Variants in COL24A1 observed in about 807,000 individuals in gnomAD.
The protein encoded by COL24A1 is collagen alpha-1(XXIV) chain.
In COL24A1, 224 loss-of-function variants were observed where a neutral mutation model predicts 253.9. The observed-to-expected ratio is 0.88, with a 90% confidence interval of 0.79 to 0.99. The LOEUF is 0.99. COL24A1 is among the 50% of genes least tolerant of loss of function. COL24A1 has a pLI of 0.00. For missense variants in COL24A1, 2,131 were observed against 2,068.5 expected (o/e 1.03, Z -0.59); for synonymous variants, 685 against 673.7 (o/e 1.02, Z -0.26).
chr1:86,056,391 T>C (rs866372514), intron 10 of COL24A1, among the ~76,000 whole-genome samples: 1 of 152,194 alleles, frequency 6.6e-6, no homozygotes, highest in African/African-American at 2.4e-5. Flanking sequence ...ACTATTTTTC[T>C]CATCAGTAAA....
intron 38 of COL24A1, among the ~76,000 whole-genome samples, chr1:85,848,906 A>G (rs1677442226): frequency 1.3e-5 from 2 of 152,226 alleles, no homozygotes; most frequent in African/African-American, 4.8e-5. Context: ...GCAAATAAAA[A>G]TATTCTTGAT....
At chr1:86,069,340 TG>T (rs1701703912) in intron 7 of COL24A1, among the ~76,000 whole-genome samples, 1 of 152,040 alleles carries the variant, frequency 6.6e-6, no homozygotes, top group Non-Finnish European at 1.5e-5. Context: ...CATGGACTAG[TG>T]GTGGTGGCCA....
intron 47 of COL24A1, among the ~76,000 whole-genome samples, chr1:85,797,403 G>A (rs1050225843): frequency 6.6e-6 from 1 of 152,124 alleles, no homozygotes; most frequent in African/African-American, 2.4e-5. Flanking sequence ...GACTAGAAAG[G>A]TGAGTGAAGG....
chr1:85,877,247 AT>A (rs1681283936), intron 32 of COL24A1, 72 bp from the exon 33 acceptor site: 1 of 1,065,390 alleles, frequency 9.4e-7, no homozygotes, highest in Admixed American at 2.5e-5. Context: ...TCATCTGGAT[AT>A]GGGTTTTATA....
intron 33 of COL24A1, among the ~76,000 whole-genome samples, chr1:85,876,657 A>G (rs1052053706): frequency 6.6e-6 from 1 of 152,226 alleles, no homozygotes; most frequent in Non-Finnish European, 1.5e-5. Flanking sequence ...TGAAGTGACA[A>G]CAGGAGAGAG....
chr1:86,066,534 G>A (rs865996367), intron 7 of COL24A1, among the ~76,000 whole-genome samples: 1 of 151,858 alleles, frequency 6.6e-6, no homozygotes, highest in Admixed American at 6.5e-5. Context: ...GTGAGCCACT[G>A]CGCCCTGCTA....
At chr1:86,029,818 CA>C (rs1282324429) in intron 14 of COL24A1, 1 of 151,528 alleles carries the variant, frequency 6.6e-6, no homozygotes, top group African/African-American at 2.4e-5. Flanking sequence ...TTATTTTTTT[CA>C]ACGTTTTTTA....
chr1:85,926,849 A>C (rs1409409986), intron 24 of COL24A1, among the ~76,000 whole-genome samples: 5 of 152,016 alleles, frequency 3.3e-5, no homozygotes, highest in African/African-American at 4.8e-5. Context: ...AAAAGAGTCA[A>C]AAAGGAGGAG....
In COL24A1 at chr1:85,863,340, C is replaced by T. The variant is rs528091962; in HGVS notation, c.3300+5179G>A. Among the ~76,000 whole-genome samples, 215 of 152,284 alleles carry T rather than the reference C, an allele frequency of 1.4e-3. 2 individuals carry two copies. Among genetic ancestry groups the T allele is most frequent in the Non-Finnish European group, 2.2e-3 (152 of 68,024 alleles). The stretch of plus-strand genomic sequence containing the variant: ...TCCTGCCTGATTGCCCTGGCCAGAA[C>T]TTCCAACACTATGTTGAGTAGGAGT... On this transcript the variant is annotated intron_variant, in intron 37 of 59. Transcript: ENST00000370571.
At chr1:85,770,349 C>A (rs572141188) in intron 53 of COL24A1, among the ~76,000 whole-genome samples, 71 of 151,912 alleles carry the variant, frequency 4.7e-4, no homozygotes, top group Non-Finnish European at 6.8e-4. Flanking sequence ...ATCTCATTAC[C>A]TTCTAATCAA....
intron 2 of COL24A1, 108 bp downstream of exon 2, chr1:86,146,011 T>C: frequency 1.1e-6 from 1 of 895,806 alleles, no homozygotes; most frequent in South Asian, 1.8e-5. Context: ...ATTTTTGTTA[T>C]TGTTTAATGT....
chr1:85,859,600 T>C (rs915536812), intron 37 of COL24A1, among the ~76,000 whole-genome samples: 3 of 152,340 alleles, frequency 2.0e-5, no homozygotes, highest in South Asian at 4.1e-4. Flanking sequence ...GTTGTTGTTA[T>C]ATTTTTTTTA....
intron 24 of COL24A1, among the ~76,000 whole-genome samples, chr1:85,924,481 T>G (rs950318002): frequency 6.6e-6 from 1 of 152,222 alleles, no homozygotes; most frequent in African/African-American, 2.4e-5. Flanking sequence ...CATTACCAAG[T>G]TGGCTTCATC....
chr1:85,870,858 T>G (rs1680383815), intron 35 of COL24A1, among the ~76,000 whole-genome samples: 1 of 152,020 alleles, frequency 6.6e-6, no homozygotes, highest in Non-Finnish European at 1.5e-5. Flanking sequence ...AGAGCAGAAC[T>G]GAAGGAGATA....
intron 37 of COL24A1, among the ~76,000 whole-genome samples, 188 bp downstream of exon 37, chr1:85,868,331 T>C (rs1380169602): frequency 6.6e-6 from 1 of 152,214 alleles, no homozygotes; most frequent in African/African-American, 2.4e-5. Flanking sequence ...AAAAAGTATC[T>C]TTCCTCTTTG....
chr1:86,125,853 CTCA>C lies in COL24A1; in HGVS notation c.480_482del (p.Asp160del), dbSNP rs773775967. ...TAGTAATGGCAAATGAGTGCCATTG[CTCA>C]TCATGAACACTGTAGTTGAAAACTG... On this transcript the variant is annotated inframe_deletion, in exon 3 of 60. Coordinates refer to ENST00000370571, the MANE Select transcript of COL24A1 (RefSeq NM_152890.7). 5 of 1,613,192 alleles carry C rather than the reference CTCA, an allele frequency of 3.1e-6. No homozygotes were observed. Among genetic ancestry groups the C allele is most frequent in the Non-Finnish European group, 4.2e-6 (5 of 1,179,720 alleles).
At chr1:85,801,863 C>T (rs1191870569) in intron 47 of COL24A1, among the ~76,000 whole-genome samples, 5 of 152,162 alleles carry the variant, frequency 3.3e-5, no homozygotes, top group African/African-American at 1.2e-4. Context: ...ATAATATTTG[C>T]TTTTTCAGTG....
intron 24 of COL24A1, among the ~76,000 whole-genome samples, chr1:85,946,421 C>T (rs550963745): frequency 6.6e-6 from 1 of 152,244 alleles, no homozygotes; most frequent in Non-Finnish European, 1.5e-5. Context: ...GTGAGTCTTA[C>T]TAGTCAATAA....
chr1:86,060,972 G>C (rs1259063813), intron 8 of COL24A1, among the ~76,000 whole-genome samples: 1 of 151,748 alleles, frequency 6.6e-6, no homozygotes, highest in East Asian at 1.9e-4. Context: ...GTATTTTATA[G>C]ATATTATCTT....
Sources: allele counts gnomAD v4.1 joint callset (sites outside exome capture counted in the v4.1 genomes callset), GRCh38; gene constraint gnomAD v4.1.1; transcripts MANE v1.5; gene names NCBI Gene and HGNC (gene_info 2026-07-23, HGNC 2026-07-21).